BICC1: variants seen among roughly 807,000 people sequenced by gnomAD.
The protein encoded by BICC1 is protein bicaudal C homolog 1.
Under a neutral mutation model 111.0 loss-of-function variants are expected in BICC1, and 43 were observed. That is an observed-to-expected ratio of 0.39 (90% confidence interval 0.30 to 0.50). The LOEUF is 0.50. Ranked by LOEUF, BICC1 falls within the 20% of genes least tolerant of loss-of-function variation. The pLI is 0.88. For missense variants in BICC1, 1,091 were observed against 1,203.2 expected (o/e 0.91, Z 1.38); for synonymous variants, 467 against 434.4 (o/e 1.07, Z -0.93).
chr10:58,528,983 G>T (rs1314565412), intron 1 of BICC1, among the ~76,000 whole-genome samples: 1 of 151,934 alleles, frequency 6.6e-6, no homozygotes, highest in Non-Finnish European at 1.5e-5. Flanking sequence ...GCAAGTACTT[G>T]TCAGAGAGCT....
chr10:58,794,165 T>TTGTGTGTGTG (rs71006206), intron 9 of BICC1, among the ~76,000 whole-genome samples: 111 of 138,292 alleles, frequency 8.0e-4, no homozygotes, highest in African/African-American at 2.7e-3. Context: ...CTTACATGTT[T>TTGTGTGTGTG]TGTGTGTGTG....
chr10:58,774,174 C>T (rs1187635137), intron 3 of BICC1, among the ~76,000 whole-genome samples: 1 of 152,172 alleles, frequency 6.6e-6, no homozygotes, highest in African/African-American at 2.4e-5. Context: ...ATTCTGTATT[C>T]AGAGCCAAAG....
At chr10:58,600,892 T>G (rs1845003257) in intron 1 of BICC1, among the ~76,000 whole-genome samples, 1 of 151,952 alleles carries the variant, frequency 6.6e-6, no homozygotes, top group Non-Finnish European at 1.5e-5. Flanking sequence ...TTATGCTATC[T>G]GTAAGGCTTC....
intron 2 of BICC1, among the ~76,000 whole-genome samples, chr10:58,638,862 TTTTCTCTTC>T (rs370142468): frequency 0.069 from 7 of 102 alleles, no homozygotes; most frequent in African/African-American, 0.25. Flanking sequence ...TTCTTTTCTT[TTTTCTCTTC>T]TCTTTTTTCT....
Position 58,737,802 on chromosome 10 carries a change from T to A in BICC1, c.307+35659T>A, listed in dbSNP as rs192166001. Among the ~76,000 whole-genome samples the A allele has an allele frequency of 3.6e-3, 555 of 152,324 alleles. 1 individual carries two copies. The highest frequency in any genetic ancestry group is 0.013 in the African/African-American group (521 of 41,566). On this transcript the variant is annotated intron_variant, in intron 3 of 20. Transcript: ENST00000373886. The stretch of plus-strand genomic sequence containing the variant: ...ATTCTAACTGGTGTAAGGTGGTATC[T>A]CATTTTGGTTTTGATTTGCATTTCT...
At chr10:58,541,777 C>T (rs1589078914) in intron 1 of BICC1, among the ~76,000 whole-genome samples, 2 of 152,060 alleles carry the variant, frequency 1.3e-5, no homozygotes, top group African/African-American at 2.4e-5. Flanking sequence ...AAACAAAGCT[C>T]GAAACCTCGT....
intron 2 of BICC1, among the ~76,000 whole-genome samples, chr10:58,643,506 T>C (rs1452722715): frequency 2.0e-5 from 3 of 152,220 alleles, no homozygotes; most frequent in African/African-American, 4.8e-5. Context: ...AATTCTTGTA[T>C]TTTTAGAGTG....
intron 2 of BICC1, among the ~76,000 whole-genome samples, chr10:58,625,404 A>G (rs1320731795): frequency 6.6e-6 from 1 of 152,200 alleles, no homozygotes; most frequent in African/African-American, 2.4e-5. Context: ...GGAATCTGTA[A>G]TCCCAATGGT....
At chr10:58,660,422 T>C (rs993097407) in intron 2 of BICC1, among the ~76,000 whole-genome samples, 27 of 27,976 alleles carry the variant, frequency 9.7e-4, no homozygotes, top group African/African-American at 2.7e-3. Flanking sequence ...ATTGTGTATC[T>C]TCTTTTCTTG....
At position 58,813,868 on chromosome 10, in the gene BICC1, G is replaced by A. The variant is rs1843994553; in HGVS notation, c.2415G>A (p.Glu805=). The stretch of plus-strand genomic sequence containing the variant: ...CCCTTTCACGGTCCAACAGTCGTGA[G>A]CACTTGGGAGGTGGAAGCGAATCTG... ...SMSLSRSNSR[E]HLGGGSESDN... Residue 805 remains glutamate, a synonymous_variant, in exon 18 of 21, where the codon GAG becomes GAA. Coordinates refer to ENST00000373886, the MANE Select transcript of BICC1 (RefSeq NM_001080512.3). 6.2e-7 allele frequency: 1 copy of A among 1,613,980 alleles called. No individual in the cohort carries two copies. The highest frequency in any genetic ancestry group is 8.5e-7 in the Non-Finnish European group (1 of 1,179,888).
At chr10:58,601,990 A>T (rs564705011) in intron 1 of BICC1, among the ~76,000 whole-genome samples, 11 of 152,264 alleles carry the variant, frequency 7.2e-5, no homozygotes, top group African/African-American at 2.6e-4. Flanking sequence ...CCAGAACTTG[A>T]TAGAGCATTG....
At chr10:58,817,094 A>G (rs1844117846) in intron 18 of BICC1, among the ~76,000 whole-genome samples, 1 of 152,130 alleles carries the variant, frequency 6.6e-6, no homozygotes, top group Non-Finnish European at 1.5e-5. Flanking sequence ...ATGTGTTGCA[A>G]TACCATACAA....
intron 3 of BICC1, among the ~76,000 whole-genome samples, chr10:58,728,077 A>T (rs1841169092): frequency 6.6e-6 from 1 of 152,190 alleles, no homozygotes; most frequent in Admixed American, 6.5e-5. Flanking sequence ...GATCAGAATG[A>T]TGGTTGCTGA....
rs116791046 is a variant in BICC1 at position 58,672,963 on chromosome 10, A to G, written c.238-29111A>G. On this transcript the variant is annotated intron_variant, in intron 2 of 20. Transcript: ENST00000373886. ...GGAAAGCCATTTTGAAACTTTTACT[A>G]TAAGAATCACATGAAGAGGTCTGAT... 4.1e-3 allele frequency among the ~76,000 whole-genome samples: 618 copies of G among 152,318 alleles called. 4 individuals are homozygous for G. Among genetic ancestry groups the G allele is most frequent in the African/African-American group, 0.014 (588 of 41,566 alleles).
At chr10:58,792,191 A>T (rs1050652893) in intron 8 of BICC1, among the ~76,000 whole-genome samples, 5 of 152,146 alleles carry the variant, frequency 3.3e-5, no homozygotes, top group Non-Finnish European at 5.9e-5. Flanking sequence ...AATTCTGTGC[A>T]TCAGAGAAAG....
intron 3 of BICC1, among the ~76,000 whole-genome samples, chr10:58,784,135 A>T (rs902439655): frequency 6.6e-6 from 1 of 151,904 alleles, no homozygotes; most frequent in Admixed American, 6.6e-5. Context: ...TTTTTTCATA[A>T]CATGTATGTT....
intron 1 of BICC1, among the ~76,000 whole-genome samples, chr10:58,607,564 C>T (rs1027770407): frequency 3.3e-5 from 5 of 151,882 alleles, no homozygotes; most frequent in Non-Finnish European, 4.4e-5. Context: ...TCGCCTTCTC[C>T]TCCTCCCCAT....
At chr10:58,518,009 T>G (rs556628759) in intron 1 of BICC1, among the ~76,000 whole-genome samples, 1 of 152,198 alleles carries the variant, frequency 6.6e-6, no homozygotes, top group Non-Finnish European at 1.5e-5. Context: ...TTGGCCTCCC[T>G]GGTAGCTTGC....
At chr10:58,564,220 A>G (rs1357643929) in intron 1 of BICC1, among the ~76,000 whole-genome samples, 1 of 152,164 alleles carries the variant, frequency 6.6e-6, no homozygotes, top group Non-Finnish European at 1.5e-5. Context: ...AAGGAAAGTC[A>G]CAGAATGCTT....
Sources: gnomAD v4.1 joint callset for allele counts (sites outside exome capture counted in the v4.1 genomes callset) on GRCh38, gnomAD v4.1.1 for gene constraint, MANE v1.5 for transcripts, NCBI Gene and HGNC (gene_info 2026-07-23, HGNC 2026-07-21) for gene names.